Variants in SORCS3 observed in about 807,000 individuals in gnomAD.
SORCS3 encodes VPS10 domain-containing receptor SorCS3.
Under a neutral mutation model 146.3 loss-of-function variants are expected in SORCS3, and 57 were observed. The ratio of observed to expected loss-of-function variants is 0.39; its 90% CI spans 0.31 to 0.49. SORCS3 has a LOEUF of 0.49. Ranked by LOEUF, SORCS3 falls within the 20% of genes least tolerant of loss-of-function variation. The pLI is 0.92. For synonymous variants in SORCS3, 653 were observed against 618.5 expected (o/e 1.06, Z -0.83); for missense variants, 1,341 against 1,575.5 (o/e 0.85, Z 2.52).
intron 1 of SORCS3, among the ~76,000 whole-genome samples, chr10:104,667,896 G>C (rs1326761586): frequency 6.6e-6 from 1 of 152,226 alleles, no homozygotes; most frequent in Non-Finnish European, 1.5e-5. Flanking sequence ...GGGAGCTGCT[G>C]TGCTGGTGCC....
intron 5 of SORCS3, among the ~76,000 whole-genome samples, chr10:105,056,250 C>T (rs551406627): frequency 1.6e-4 from 24 of 152,282 alleles, no homozygotes; most frequent in Admixed American, 1.4e-3. Context: ...ATGTTTTTGA[C>T]ATTTTGGGCT....
intron 2 of SORCS3, among the ~76,000 whole-genome samples, chr10:104,911,839 A>G (rs1302097444): frequency 6.6e-6 from 1 of 152,130 alleles, no homozygotes; most frequent in African/African-American, 2.4e-5. Flanking sequence ...CTTCTAAGTC[A>G]TGTTAGCCAG....
At chr10:104,789,987 C>G (rs1351760903) in intron 1 of SORCS3, among the ~76,000 whole-genome samples, 2 of 152,194 alleles carry the variant, frequency 1.3e-5, no homozygotes, top group African/African-American at 4.8e-5. Flanking sequence ...GGATTCTGTG[C>G]CAATGCCTCC....
At chr10:104,813,736 A>G (rs75934296) in intron 1 of SORCS3, among the ~76,000 whole-genome samples, 16,078 of 152,160 alleles carry the variant, frequency 0.11, 1,057 homozygotes, top group Middle Eastern at 0.14. Context: ...GAATCACTTT[A>G]AAGAAAAATA....
chr10:104,680,465 C>G (rs2015957899), intron 1 of SORCS3, among the ~76,000 whole-genome samples: 1 of 152,202 alleles, frequency 6.6e-6, no homozygotes, highest in African/African-American at 2.4e-5. Context: ...TCTCCTCTTT[C>G]CCTGGAGAGG....
intron 1 of SORCS3, among the ~76,000 whole-genome samples, chr10:104,835,066 A>G (rs1244960131): frequency 6.6e-6 from 1 of 152,062 alleles, no homozygotes; most frequent in Non-Finnish European, 1.5e-5. Context: ...TCCCAACTAG[A>G]TTGTAAACTC....
At chr10:105,191,738 G>A (rs2056518178) in intron 14 of SORCS3, among the ~76,000 whole-genome samples, 1 of 152,068 alleles carries the variant, frequency 6.6e-6, no homozygotes, top group South Asian at 2.1e-4. Flanking sequence ...CATAAGGAAT[G>A]CACAACCTAG....
At chr10:104,872,117 T>C (rs1426321868) in intron 2 of SORCS3, among the ~76,000 whole-genome samples, 1 of 152,198 alleles carries the variant, frequency 6.6e-6, no homozygotes, top group African/African-American at 2.4e-5. Context: ...CAAGTCTGTC[T>C]ACCCATAACT....
In SORCS3 at chr10:104,766,805, A is replaced by G. The variant is rs568193518; in HGVS notation, c.628-75987A>G. On this transcript the variant is annotated intron_variant, in intron 1 of 26. Coordinates refer to ENST00000369701, the MANE Select transcript of SORCS3 (RefSeq NM_014978.3). The stretch of plus-strand genomic sequence containing the variant: ...CTGAATGTGCTGTGTGTGGTGGAGT[A>G]TAATTCTCCATTGTAACTTGAATTG... Among the ~76,000 whole-genome samples, 51 of 152,348 alleles carry G rather than the reference A, an allele frequency of 3.3e-4. 1 individual carries two copies. The South Asian group carries it at 7.7e-3, about 23-fold the overall frequency.
chr10:104,955,301 AC>A (rs1208025882), intron 3 of SORCS3, among the ~76,000 whole-genome samples: 3 of 152,158 alleles, frequency 2.0e-5, no homozygotes, highest in African/African-American at 7.2e-5. Context: ...GCTGCTTCTT[AC>A]CTGCCATAGT....
intron 20 of SORCS3, among the ~76,000 whole-genome samples, chr10:105,233,807 C>G (rs950812956): frequency 6.6e-6 from 1 of 152,108 alleles, no homozygotes; most frequent in Admixed American, 6.5e-5. Flanking sequence ...TCCAGTCTAC[C>G]ATTGATGGGC....
chr10:104,730,194 C>A (rs1293913392), intron 1 of SORCS3, among the ~76,000 whole-genome samples: 1 of 152,178 alleles, frequency 6.6e-6, no homozygotes, highest in Non-Finnish European at 1.5e-5. Flanking sequence ...AGACATTATT[C>A]TGAACAATTT....
At chr10:104,715,464 G>A (rs993594497) in intron 1 of SORCS3, among the ~76,000 whole-genome samples, 1 of 152,126 alleles carries the variant, frequency 6.6e-6, no homozygotes, top group African/African-American at 2.4e-5. Context: ...GGCTTTCCTG[G>A]TTCTTCATCT....
intron 8 of SORCS3, among the ~76,000 whole-genome samples, chr10:105,146,116 G>T (rs888412622): frequency 6.6e-6 from 1 of 151,982 alleles, no homozygotes; most frequent in Non-Finnish European, 1.5e-5. Flanking sequence ...CTTTCCTTCT[G>T]CTATCTATTA....
intron 2 of SORCS3, 53 bp from the exon 3 acceptor site, chr10:104,915,780 G>T: frequency 6.7e-7 from 1 of 1,493,680 alleles, no homozygotes; most frequent in South Asian, 1.1e-5. Flanking sequence ...TTTAGACATA[G>T]CTGCCCATTG....
At chr10:104,872,313 T>C (rs2018526840) in intron 2 of SORCS3, among the ~76,000 whole-genome samples, 1 of 152,196 alleles carries the variant, frequency 6.6e-6, no homozygotes, top group African/African-American at 2.4e-5. Flanking sequence ...TTTTCATTCC[T>C]GGGCTTTTCA....
intron 1 of SORCS3, among the ~76,000 whole-genome samples, chr10:104,791,488 C>T (rs1400080614): frequency 1.3e-5 from 2 of 152,132 alleles, no homozygotes; most frequent in East Asian, 1.9e-4. Context: ...CGGTGAGGTT[C>T]AAGGATCTAA....
chr10:104,764,387 T>C (rs1265956521), intron 1 of SORCS3, among the ~76,000 whole-genome samples: 1 of 152,116 alleles, frequency 6.6e-6, no homozygotes, highest in East Asian at 1.9e-4. Context: ...GACCACATAC[T>C]GAGTAGTGAG....
chr10:104,801,295 C>T (rs1163492732), intron 1 of SORCS3, among the ~76,000 whole-genome samples: 1 of 152,212 alleles, frequency 6.6e-6, no homozygotes, highest in Admixed American at 6.5e-5. Context: ...TTTCTGCTTT[C>T]TCTTTTCTCT....
Sources: gnomAD v4.1 joint callset for allele counts (sites outside exome capture counted in the v4.1 genomes callset) on GRCh38, gnomAD v4.1.1 for gene constraint, MANE v1.5 for transcripts, NCBI Gene and HGNC (gene_info 2026-07-23, HGNC 2026-07-21) for gene names.